HCN1: variants seen among roughly 807,000 people sequenced by gnomAD.
HCN1 encodes the protein hyperpolarization activated cyclic nucleotide gated potassium channel 1, also known as potassium/sodium hyperpolarization-activated cyclic nucleotide-gated channel 1.
In HCN1, 13 loss-of-function variants were observed where a neutral mutation model predicts 78.9. The observed-to-expected ratio is 0.16, with a 90% CI of 0.11 to 0.26. The LOEUF is 0.26. HCN1 is among the 10% of genes least tolerant of loss of function. HCN1 has a pLI of 1.00. For missense variants in HCN1, 810 were observed against 1,154.3 expected (o/e 0.70, Z 4.32); for synonymous variants, 552 against 455.5 (o/e 1.21, Z -2.70).
intron 2 of HCN1, among the ~76,000 whole-genome samples, chr5:45,638,766 G>T (rs571808263): frequency 1.3e-5 from 2 of 152,098 alleles, no homozygotes; most frequent in African/African-American, 2.4e-5. Context: ...AGCCAGGCGT[G>T]TTGGGGGCAC....
intron 2 of HCN1, among the ~76,000 whole-genome samples, chr5:45,509,029 C>A (rs1352512826): frequency 6.6e-6 from 1 of 152,132 alleles, no homozygotes; most frequent in Non-Finnish European, 1.5e-5. Flanking sequence ...CTGCCCAAAG[C>A]ACATGAGTAA....
At chr5:45,415,126 T>A (rs1272284965) in intron 3 of HCN1, among the ~76,000 whole-genome samples, 1 of 152,080 alleles carries the variant, frequency 6.6e-6, no homozygotes, top group Non-Finnish European at 1.5e-5. Flanking sequence ...TAGGACTACA[T>A]AAGACTTTTT....
At chr5:45,479,943 T>TA (rs1416094255) in intron 2 of HCN1, among the ~76,000 whole-genome samples, 1 of 152,174 alleles carries the variant, frequency 6.6e-6, no homozygotes, top group South Asian at 2.1e-4. Flanking sequence ...AAGCTTTCCA[T>TA]AAAAATCTCT....
At chr5:45,376,125 TA>T (rs1376612169) in intron 4 of HCN1, among the ~76,000 whole-genome samples, 1 of 109,826 alleles carries the variant, frequency 9.1e-6, no homozygotes, top group Non-Finnish European at 1.7e-5. Flanking sequence ...TATAATATGT[TA>T]TATAAAATAT....
chr5:45,259,320 C>T lies in HCN1; in HGVS notation c.*2601G>A, dbSNP rs1744684371. Reference sequence around the variant, plus strand: ...ATATATGTATGGCTTTGAGCAAAGACAAAAGAAATACTCTAACTCATCCCT... The same window carrying T: ...ATATATGTATGGCTTTGAGCAAAGATAAAAGAAATACTCTAACTCATCCCT... On this transcript the variant is annotated 3_prime_UTR_variant, in exon 8 of 8. Coordinates refer to ENST00000303230, the MANE Select transcript of HCN1 (RefSeq NM_021072.4). 1.3e-5 allele frequency: 2 copies of T among 152,142 alleles called. No individual in the cohort carries two copies. The allele number at this position is 152,142 out of a possible 1,614,324, so 9.4% of individuals were successfully genotyped here.
At chr5:45,335,657 T>C (rs994092) in intron 5 of HCN1, among the ~76,000 whole-genome samples, 49,268 of 151,926 alleles carry the variant, frequency 0.32, 10,336 homozygotes, top group African/African-American at 0.58. Flanking sequence ...ATATAACAGC[T>C]GTAAGAGCTC....
chr5:45,286,134 G>T (rs371168844), intron 6 of HCN1, among the ~76,000 whole-genome samples: 1 of 151,978 alleles, frequency 6.6e-6, no homozygotes, highest in Admixed American at 6.6e-5. Context: ...CAAGACATGG[G>T]AGTATTATTT....
chr5:45,622,037 G>C (rs758200138), intron 2 of HCN1, among the ~76,000 whole-genome samples: 67 of 151,930 alleles, frequency 4.4e-4, no homozygotes, highest in Non-Finnish European at 5.4e-4. Context: ...TGGCTAACAC[G>C]GTGAAACCCC....
chr5:45,347,682 A>G (rs1305621364), intron 5 of HCN1, among the ~76,000 whole-genome samples: 4 of 152,180 alleles, frequency 2.6e-5, no homozygotes, highest in Admixed American at 2.0e-4. Context: ...GAGCTGATGG[A>G]GCTGAAAGCC....
chr5:45,345,993 C>T (rs1364789417), intron 5 of HCN1, among the ~76,000 whole-genome samples: 3 of 152,318 alleles, frequency 2.0e-5, no homozygotes, highest in Admixed American at 6.5e-5. Context: ...GCTGGGGAGG[C>T]CTCAAGAAAC....
chr5:45,682,284 T>G (rs957401102), intron 1 of HCN1, among the ~76,000 whole-genome samples: 2 of 112,624 alleles, frequency 1.8e-5, no homozygotes, highest in African/African-American at 7.4e-5. Context: ...TATATATATA[T>G]ATATACACAT....
At chr5:45,278,520 A>T (rs767336065) in intron 6 of HCN1, among the ~76,000 whole-genome samples, 1 of 152,152 alleles carries the variant, frequency 6.6e-6, no homozygotes, top group Non-Finnish European at 1.5e-5. Flanking sequence ...ACTCCAAGAA[A>T]CATAATTCTA....
chr5:45,472,241 T>C (rs1741406083), intron 2 of HCN1, among the ~76,000 whole-genome samples: 1 of 151,912 alleles, frequency 6.6e-6, no homozygotes, highest in South Asian at 2.1e-4. Flanking sequence ...ATTTTCTGAC[T>C]GATGACCTTA....
intron 4 of HCN1, among the ~76,000 whole-genome samples, chr5:45,373,452 T>G (rs550988102): frequency 1.8e-3 from 247 of 138,200 alleles, no homozygotes; most frequent in African/African-American, 6.4e-3. Flanking sequence ...ATCTATAATT[T>G]ATATTATATA....
At chr5:45,331,159 A>G (rs183115649) in intron 5 of HCN1, among the ~76,000 whole-genome samples, 7 of 151,370 alleles carry the variant, frequency 4.6e-5, no homozygotes, top group Admixed American at 1.3e-4. Context: ...TACATCAGGT[A>G]AAGTGTAGAA....
At chr5:45,604,778 TA>T in intron 2 of HCN1, among the ~76,000 whole-genome samples, 1 of 152,078 alleles carries the variant, frequency 6.6e-6, no homozygotes, top group Non-Finnish European at 1.5e-5. Flanking sequence ...TAAAATATGA[TA>T]AAATAGGTAC....
At chr5:45,647,131 C>T (rs541578480) in intron 1 of HCN1, among the ~76,000 whole-genome samples, 64 of 152,068 alleles carry the variant, frequency 4.2e-4, no homozygotes, top group Non-Finnish European at 8.4e-4. Flanking sequence ...AAAGGATAAG[C>T]GTTTGTTATT....
chr5:45,676,012 T>C (rs10512880), intron 1 of HCN1, among the ~76,000 whole-genome samples: 11,543 of 151,892 alleles, frequency 0.076, 574 homozygotes, highest in Middle Eastern at 0.15. Flanking sequence ...AAGACAAATA[T>C]GGAACTGTCC....
chr5:45,356,150 T>C (rs1342735552), intron 4 of HCN1, among the ~76,000 whole-genome samples: 1 of 151,948 alleles, frequency 6.6e-6, no homozygotes, highest in African/African-American at 2.4e-5. Flanking sequence ...CAAAAAATGA[T>C]AAAATGGCAA....
Sources: gnomAD v4.1 joint callset for allele counts (sites outside exome capture counted in the v4.1 genomes callset) on GRCh38, gnomAD v4.1.1 for gene constraint, MANE v1.5 for transcripts, NCBI Gene and HGNC (gene_info 2026-07-23, HGNC 2026-07-21) for gene names.